DECR2: variants seen among roughly 807,000 people sequenced by gnomAD.
The protein encoded by DECR2 is 2,4-dienoyl-CoA reductase 2.
A neutral mutation model predicts 29.2 loss-of-function variants in DECR2; 34 were observed. The observed-to-expected ratio is 1.16, with a 90% CI of 0.89 to 1.55. DECR2 has a LOEUF of 1.55. DECR2 is among the 40% of genes most tolerant of loss of function. The pLI is 0.00. For missense variants in DECR2, 485 were observed against 425.3 expected (o/e 1.14, Z -1.23); for synonymous variants, 224 against 182.7 (o/e 1.23, Z -1.82).
intron 3 of DECR2, chr16:407,025 G>T (rs897853975): frequency 1.9e-6 from 2 of 1,037,046 alleles, no homozygotes; most frequent in Non-Finnish European, 2.3e-6. Context: ...GGACCTTCCT[G>T]TTTGGGGGTA....
At chr16:409,051 C>T (rs1469786504) in intron 4 of DECR2, among the ~76,000 whole-genome samples, 2 of 152,102 alleles carry the variant, frequency 1.3e-5, no homozygotes, top group South Asian at 2.1e-4. Flanking sequence ...AGACTGGTCT[C>T]GAACTCTTGA....
intron 2 of DECR2, among the ~76,000 whole-genome samples, chr16:406,116 AC>A (rs1422334819): frequency 3.9e-5 from 6 of 152,130 alleles, no homozygotes; most frequent in Admixed American, 2.0e-4. Context: ...TTGGGGCAGG[AC>A]CCGCAGGCCT....
chr16:405,173 G>C (rs1346895345), intron 2 of DECR2, 149 bp downstream of exon 2: 8 of 946,060 alleles, frequency 8.5e-6, no homozygotes, highest in Non-Finnish European at 1.1e-5. Context: ...GAGGGACTGG[G>C]GAGCGGTCGA....
chr16:405,762 A>G (rs1225755048), intron 2 of DECR2: 1 of 427,902 alleles, frequency 2.3e-6, no homozygotes, highest in African/African-American at 2.1e-5. Flanking sequence ...GGGCTTCTAT[A>G]CCACAGGGAA....
At position 407,079 on chromosome 16, in the gene DECR2, G is replaced by T. The variant is rs961847176; in HGVS notation, c.202-346G>T. ...CCTCTGGGCTCACCTGGGTTATTTAGGTGGTCCGTGCGTCCCACCTACTGG... is the reference window on the plus strand; with the variant it reads ...CCTCTGGGCTCACCTGGGTTATTTATGTGGTCCGTGCGTCCCACCTACTGG... On this transcript the variant is annotated intron_variant, in intron 3 of 8. Transcript: ENST00000219481. 4.6e-6 allele frequency: 5 copies of T among 1,094,250 alleles called. No individual in the cohort carries two copies. In the African/African-American group the frequency reaches 8.2e-5, roughly 18 times the overall value. 67.8% of individuals were successfully genotyped at this position (1,094,250 alleles called of 1,614,324 possible). A position where few individuals can be genotyped will look rare whatever the true frequency, so the allele number is the denominator to read the frequency against.
Position 411,476 on chromosome 16 carries a change from C to T in DECR2, c.777C>T (p.Tyr259=), listed in dbSNP as rs750448296. The change falls in exon 8 of 9, where the codon TAC becomes TAT. Residue 259 remains tyrosine, a synonymous_variant. Transcript: ENST00000219481. ...VLYLASPLAS[Y]VTGAVLVADG... Reference sequence around the variant, plus strand: ...ACCTGGCCAGCCCTCTGGCTTCCTACGTGACGGGGGCCGTGCTGGTGGCCG... The same window carrying T: ...ACCTGGCCAGCCCTCTGGCTTCCTATGTGACGGGGGCCGTGCTGGTGGCCG... The T allele has an allele frequency of 1.4e-5, 22 of 1,613,848 alleles. No individual in the cohort carries two copies. Among genetic ancestry groups the T allele is most frequent in the African/African-American group, 2.7e-5 (2 of 74,948 alleles).
chr16:406,851 C>A (rs973114265), intron 3 of DECR2: 1 of 773,966 alleles, frequency 1.3e-6, no homozygotes, highest in African/African-American at 1.8e-5. Flanking sequence ...TCACTGTGCC[C>A]GGCCGGCACC....
Position 411,490 on chromosome 16 carries a change from T to G in DECR2, c.791T>G (p.Val264Gly), listed in dbSNP as rs1324927972. The G allele has an allele frequency of 3.7e-6, 6 of 1,613,968 alleles. No individual in the cohort carries two copies. Among genetic ancestry groups the G allele is most frequent in the African/African-American group, 1.3e-5 (1 of 75,062 alleles). The change falls in exon 8 of 9, where the codon GTG becomes GGG. Residue 264 changes from valine (V) to glycine (G), a missense_variant. Physicochemically the swap from Val to Gly is moderately radical, Grantham distance 109. Coordinates refer to ENST00000219481, the MANE Select transcript of DECR2 (RefSeq NM_020664.4). ...SPLASYVTGAVLVADGGAWLT... is the reference protein window; with the variant it reads ...SPLASYVTGAGLVADGGAWLT... ...CTGGCTTCCTACGTGACGGGGGCCG[T>G]GCTGGTGGCCGATGGCGGGGCATGG...
intron 8 of DECR2, 70 bp downstream of exon 8, chr16:411,648 C>T: frequency 6.6e-7 from 1 of 1,512,432 alleles, no homozygotes; most frequent in Non-Finnish European, 9.0e-7. Context: ...GGGCAGGTCT[C>T]TGCGGGACCC....
At position 410,537 on chromosome 16, in the gene DECR2, C is replaced by G. The variant is rs2054802152; in HGVS notation, c.463-154C>G. On this transcript the variant is annotated intron_variant, in intron 5 of 8. Coordinates refer to ENST00000219481, the MANE Select transcript of DECR2 (RefSeq NM_020664.4). The surrounding 1 kb of genome is among the most constrained non-coding windows in gnomAD (Gnocchi z 4.1). The stretch of plus-strand genomic sequence containing the variant: ...CGGCCGCCCGCTCCCTGCCCTGGGC[C>G]TCCCCATGACGGCCGCCCGCTCCCT... The G allele has an allele frequency of 7.4e-7, 1 of 1,351,848 alleles. No homozygotes were observed. Among genetic ancestry groups the G allele is most frequent in the African/African-American group, 1.7e-5 (1 of 59,060 alleles). 83.7% of individuals were successfully genotyped at this position (1,351,848 alleles called of 1,614,324 possible).
chr16:405,042 CCCTTCCCTGCT>C lies in DECR2; in HGVS notation c.149+22_149+32del, dbSNP rs541754699. ...TTCATGCGGTGAGACTGCTCTGTGT[CCCTTCCCTGCT>C]CCTCGCTTCTCCCTGCCCGGGCCCT... is the stretch of plus-strand genomic sequence containing the variant. On this transcript the variant is annotated intron_variant, in intron 2 of 8. Transcript: ENST00000219481. 1.7e-3 allele frequency: 2,766 copies of C among 1,613,760 alleles called. 62 individuals carry two copies. The South Asian group carries it at 0.029, about 17-fold the overall frequency.
rs930867676 is a variant in DECR2 at position 410,866 on chromosome 16, C to T, written c.556+82C>T. 7.9e-6 allele frequency: 12 copies of T among 1,524,638 alleles called. No individual in the cohort carries two copies. The African/African-American group carries it at 1.5e-4, about 19-fold the overall frequency. The allele number at this position is 1,524,638 out of a possible 1,614,324, so 94.4% of individuals were successfully genotyped here. ...GCTTCCATCCCAGGAGGCCAGCAGT[C>T]TCCACTTGAAGCTGAGCCCAGCTGC... On this transcript the variant is annotated intron_variant, in intron 6 of 8. Coordinates refer to ENST00000219481, the MANE Select transcript of DECR2 (RefSeq NM_020664.4). The surrounding 1 kb of genome is among the most constrained non-coding windows in gnomAD (Gnocchi z 4.1).
chr16:402,123 A>G (rs988307263), intron 1 of DECR2, 80 bp downstream of exon 1: 2 of 1,161,766 alleles, frequency 1.7e-6, no homozygotes, highest in Non-Finnish European at 2.2e-6. Flanking sequence ...GTGGTCCCCG[A>G]GGGCTCGCGT....
intron 7 of DECR2, 131 bp downstream of exon 7, chr16:411,207 T>C (rs1380255184): frequency 8.4e-7 from 1 of 1,187,468 alleles, no homozygotes; most frequent in Non-Finnish European, 1.2e-6. Context: ...GCAACTATGT[T>C]CTGTGCCTGG....
At chr16:404,601 T>C (rs1464373567) in intron 1 of DECR2, among the ~76,000 whole-genome samples, 1 of 151,874 alleles carries the variant, frequency 6.6e-6, no homozygotes, top group East Asian at 1.9e-4. Flanking sequence ...ACAGGGCTCT[T>C]TTATTTTTTA....
At position 404,979 on chromosome 16, in the gene DECR2, G is replaced by A. The variant is rs375104126; in HGVS notation, c.104G>A (p.Gly35Glu). 1.3e-5 allele frequency: 21 copies of A among 1,614,018 alleles called. No homozygotes were observed. Among genetic ancestry groups the A allele is most frequent in the Non-Finnish European group, 1.8e-5 (21 of 1,180,000 alleles). The stretch of plus-strand genomic sequence containing the variant: ...AGGGACAAAGTGGCCTTCATCACAG[G>A]AGGCGGCTCTGGGATTGGGTTCCGG... Reference protein sequence around the residue: ...LLRDKVAFITGGGSGIGFRIA... With the variant: ...LLRDKVAFITEGGSGIGFRIA... The change falls in exon 2 of 9, where the codon GGA (glycine) becomes GAA (glutamate). Residue 35 changes from glycine to glutamate, a missense_variant. Gly to Glu is a moderately conservative substitution (Grantham distance 98, BLOSUM62 -2). Coordinates refer to ENST00000219481, the MANE Select transcript of DECR2 (RefSeq NM_020664.4).
intron 1 of DECR2, 45 bp from the exon 2 acceptor site, chr16:404,911 G>C (rs998151347): frequency 1.2e-6 from 2 of 1,608,404 alleles, no homozygotes; most frequent in Non-Finnish European, 1.7e-6. Flanking sequence ...CCACCGGCCC[G>C]GCCCAATAGG....
chr16:410,961 C>T lies in DECR2; in HGVS notation c.557-11C>T. ...GAGCGGCCCTTTCATATCCAACTTT[C>T]TTCTGTGCAGACGCGATGACGCGGC... is the stretch of plus-strand genomic sequence containing the variant. On this transcript the variant is annotated splice_polypyrimidine_tract_variant and intron_variant, in intron 6 of 8. Transcript: ENST00000219481. The surrounding 1 kb of genome is among the most constrained non-coding windows in gnomAD (Gnocchi z 4.1). The T allele has an allele frequency of 6.3e-7, 1 of 1,589,728 alleles. No homozygotes were observed.
At chr16:406,200 C>A in intron 2 of DECR2, 146 bp from the exon 3 acceptor site, 2 of 773,324 alleles carry the variant, frequency 2.6e-6, no homozygotes, top group Non-Finnish European at 2.1e-6. Flanking sequence ...TACCTCAGTC[C>A]TGTTCACGCC....
Sources: allele counts gnomAD v4.1 joint callset (sites outside exome capture counted in the v4.1 genomes callset), GRCh38; gene constraint gnomAD v4.1.1; non-coding constraint Gnocchi (gnomAD v3.1); transcripts MANE v1.5; gene names NCBI Gene and HGNC (gene_info 2026-07-23, HGNC 2026-07-21).